Variants in CRKL observed in about 807,000 individuals in gnomAD.
CRKL encodes the protein CRK like proto-oncogene, adaptor protein, also known as crk-like protein.
A neutral mutation model predicts 23.0 loss-of-function variants in CRKL; 3 were observed. The ratio of observed to expected loss-of-function variants is 0.13; its 90% CI spans 0.06 to 0.34. The LOEUF (loss-of-function observed/expected upper bound fraction) is 0.34. Among genes scored for constraint, CRKL ranks in the 10% least tolerant of loss-of-function variants. The pLI, the probability that CRKL is intolerant of heterozygous loss-of-function variation, is 1.00. For synonymous variants in CRKL, 188 were observed against 160.7 expected, an observed-to-expected ratio of 1.17 and a Z score of -1.28; for missense variants, 256 against 394.5, an observed-to-expected ratio of 0.65 and a Z score of 2.97.
At chr22:20,933,250 G>A (rs773061223) in intron 1 of CRKL, among the ~76,000 whole-genome samples, 5 of 151,244 alleles carry the variant, frequency 3.3e-5, no homozygotes, top group Non-Finnish European at 7.4e-5. Context: ...TGTGCCTGTA[G>A]TCCCAGCTAC....
chr22:20,951,178 C>G lies in CRKL; in HGVS notation c.*1333C>G. 4.3e-6 allele frequency: 1 copy of G among 232,484 alleles called. No individual in the cohort carries two copies. Among genetic ancestry groups the G allele is most frequent in the Non-Finnish European group, 8.5e-6 (1 of 117,582 alleles). 14.4% of individuals were successfully genotyped at this position (232,484 alleles called of 1,614,324 possible). On this transcript the variant is annotated 3_prime_UTR_variant, in exon 3 of 3. Coordinates refer to ENST00000354336, the MANE Select transcript of CRKL (RefSeq NM_005207.4). ...CATTAATGAATCGTTCAACTCCACT[C>G]ACTGAAGCCCAGACCTCCGTGCCCA...
Position 20,950,900 on chromosome 22 carries a change from A to C in CRKL, c.*1055A>C. 1 of 232,194 alleles carries C rather than the reference A, an allele frequency of 4.3e-6. No homozygotes were observed. Among genetic ancestry groups the C allele is most frequent in the Non-Finnish European group, 8.5e-6 (1 of 117,350 alleles). 14.4% of individuals were successfully genotyped at this position (232,194 alleles called of 1,614,324 possible). On this transcript the variant is annotated 3_prime_UTR_variant, in exon 3 of 3. Coordinates refer to ENST00000354336, the MANE Select transcript of CRKL (RefSeq NM_005207.4). Reference sequence around the variant, plus strand: ...AGTACCTTGTTTTGCCATGTAGCAGACAACACACAAAATAATGCAGTTGTG... The same window carrying C: ...AGTACCTTGTTTTGCCATGTAGCAGCCAACACACAAAATAATGCAGTTGTG...
chr22:20,927,750 G>A (rs529516273), intron 1 of CRKL, among the ~76,000 whole-genome samples: 1 of 146,052 alleles, frequency 6.8e-6, no homozygotes, highest in East Asian at 2.1e-4. Flanking sequence ...CGCTGAGGCA[G>A]GATAATTGTT....
Position 20,952,021 on chromosome 22 carries a change from A to C in CRKL, c.*2176A>C, listed in dbSNP as rs1922298279. ...CCACAAGTGGCAGACATATCACAAG[A>C]GTCCCCAGACTCTGCCTAGAAACAG... On this transcript the variant is annotated 3_prime_UTR_variant, in exon 3 of 3. Coordinates refer to ENST00000354336, the MANE Select transcript of CRKL (RefSeq NM_005207.4). 1 of 224,898 alleles carries C rather than the reference A, an allele frequency of 4.4e-6. No individual in the cohort carries two copies. The highest frequency in any genetic ancestry group is 8.8e-6 in the Non-Finnish European group (1 of 113,042). 13.9% of individuals were successfully genotyped at this position (224,898 alleles called of 1,614,324 possible). A position where few individuals can be genotyped will look rare whatever the true frequency, so the allele number is the denominator to read the frequency against.
At position 20,949,695 on chromosome 22, in the gene CRKL, T is replaced by G; in HGVS notation, c.778-16T>G. Reference sequence around the variant, plus strand: ...GTTGCAGAGAAATGCTAACTTTGTCTTCTTCATCCATACAGGTTGGTGACA... The same window carrying G: ...GTTGCAGAGAAATGCTAACTTTGTCGTCTTCATCCATACAGGTTGGTGACA... On this transcript the variant is annotated splice_polypyrimidine_tract_variant and intron_variant, in intron 2 of 2. Coordinates refer to ENST00000354336, the MANE Select transcript of CRKL (RefSeq NM_005207.4). 2 of 1,607,614 alleles carry G rather than the reference T, an allele frequency of 1.2e-6. No homozygotes were observed. Among genetic ancestry groups the G allele is most frequent in the Non-Finnish European group, 1.7e-6 (2 of 1,178,386 alleles).
intron 1 of CRKL, among the ~76,000 whole-genome samples, chr22:20,927,122 A>AAAAAAAAC: frequency 8.6e-6 from 1 of 116,160 alleles, no homozygotes; most frequent in Admixed American, 8.4e-5. Flanking sequence ...AAAAAAAAAA[A>AAAAAAAAC]AAAAAAAAAA....
chr22:20,939,275 C>G (rs1033971260), intron 2 of CRKL, among the ~76,000 whole-genome samples: 6 of 111,428 alleles, frequency 5.4e-5, no homozygotes, highest in African/African-American at 7.0e-5. Context: ...GAGTCTTGCT[C>G]TGTCTCCCAG....
chr22:20,919,601 T>C (rs977224923), intron 1 of CRKL, among the ~76,000 whole-genome samples: 1 of 152,206 alleles, frequency 6.6e-6, no homozygotes, highest in African/African-American at 2.4e-5. Flanking sequence ...TATCAGAGGT[T>C]TCTTTTATTT....
chr22:20,928,777 C>T (rs2147900226), intron 1 of CRKL, among the ~76,000 whole-genome samples: 1 of 135,608 alleles, frequency 7.4e-6, no homozygotes, highest in South Asian at 2.3e-4. Flanking sequence ...TGTGCCTCTG[C>T]ACTCTAGCTC....
chr22:20,949,402 G>T (rs4822707), intron 2 of CRKL, among the ~76,000 whole-genome samples: 125,760 of 152,162 alleles, frequency 0.83, 52,061 homozygotes, highest in East Asian at 0.92. Flanking sequence ...GCTGTAATCG[G>T]GCCACTGCAT....
intron 1 of CRKL, among the ~76,000 whole-genome samples, chr22:20,919,239 C>T (rs1429614009): frequency 6.6e-6 from 1 of 152,088 alleles, no homozygotes; most frequent in Admixed American, 6.6e-5. Flanking sequence ...AGAGAAGGTG[C>T]ATTGGCTTCA....
At position 20,926,487 on chromosome 22, in the gene CRKL, G is replaced by A. The variant is rs79459188; in HGVS notation, c.312-7292G>A. Among the ~76,000 whole-genome samples the A allele has an allele frequency of 6.5e-3, 990 of 152,242 alleles. 11 individuals are homozygous for A. The highest frequency in any genetic ancestry group is 0.023 in the African/African-American group (942 of 41,534). On this transcript the variant is annotated intron_variant, in intron 1 of 2. Coordinates refer to ENST00000354336, the MANE Select transcript of CRKL (RefSeq NM_005207.4). Reference sequence around the variant, plus strand: ...AGAGAGGATTGAGTGGTGCCTTTGAGACAAGAGAAAGGGATTAGGGTGGGT... The same window carrying A: ...AGAGAGGATTGAGTGGTGCCTTTGAAACAAGAGAAAGGGATTAGGGTGGGT...
Position 20,934,107 on chromosome 22 carries a change from ACTC to A in CRKL, c.644_646del (p.Pro215del), listed in dbSNP as rs760083004. 19 of 1,613,574 alleles carry A rather than the reference ACTC, an allele frequency of 1.2e-5. No individual in the cohort carries two copies. The highest frequency in any genetic ancestry group is 1.6e-4 in the Middle Eastern group (1 of 6,084). On this transcript the variant is annotated inframe_deletion, in exon 2 of 3. Coordinates refer to ENST00000354336, the MANE Select transcript of CRKL (RefSeq NM_005207.4). Reference sequence around the variant, plus strand: ...TGCATACGCTCAACCTCAGACCACAACTCCTCTACCTGCAGTTTCCGGTTCTCC... The same window carrying A: ...TGCATACGCTCAACCTCAGACCACAACTCTACCTGCAGTTTCCGGTTCTCC...
intron 2 of CRKL, 30 bp downstream of exon 2, chr22:20,934,274 T>C (rs1160686296): frequency 6.4e-7 from 1 of 1,554,360 alleles, no homozygotes; most frequent in South Asian, 1.2e-5. Context: ...GCTTTTTGGG[T>C]CCTTTGACAT....
intron 1 of CRKL, among the ~76,000 whole-genome samples, chr22:20,921,514 A>G (rs1411401966): frequency 4.0e-5 from 1 of 24,892 alleles, no homozygotes; most frequent in African/African-American, 9.4e-5. Context: ...TAAGATCAAT[A>G]TACAGGAGGG....
rs572459204 is a variant in CRKL, at chr22:20,924,767, G to C, written c.311+6522G>C. 2.0e-5 allele frequency among the ~76,000 whole-genome samples: 3 copies of C among 152,148 alleles called. No individual in the cohort carries two copies. The East Asian group carries it at 5.8e-4, about 29-fold the overall frequency. On this transcript the variant is annotated intron_variant, in intron 1 of 2. Transcript: ENST00000354336. ...AGGCAGGAGAATCACTTGAACCTGG[G>C]GGGTGGAAGTTAAAGTGAGTCGAGG...
At chr22:20,932,970 C>T (rs1356350187) in intron 1 of CRKL, among the ~76,000 whole-genome samples, 1 of 151,956 alleles carries the variant, frequency 6.6e-6, no homozygotes. Context: ...ATCTCAGCTA[C>T]TCGGGAGGCT....
intron 2 of CRKL, among the ~76,000 whole-genome samples, chr22:20,947,954 G>T (rs1020587081): frequency 3.9e-5 from 6 of 151,936 alleles, no homozygotes; most frequent in African/African-American, 1.5e-4. Flanking sequence ...AAAGTGCTGG[G>T]ATTACAGGTG....
chr22:20,925,421 C>T (rs529499573), intron 1 of CRKL, among the ~76,000 whole-genome samples: 3 of 151,182 alleles, frequency 2.0e-5, no homozygotes, highest in East Asian at 2.0e-4. Flanking sequence ...GTCGGGAGTT[C>T]GAGACTGAAC....
Sources: gnomAD v4.1 joint callset for allele counts (sites outside exome capture counted in the v4.1 genomes callset) on GRCh38, gnomAD v4.1.1 for gene constraint, MANE v1.5 for transcripts, NCBI Gene and HGNC (gene_info 2026-07-23, HGNC 2026-07-21) for gene names.